Variants in ATP13A4 observed in about 807,000 individuals in gnomAD.
The protein encoded by ATP13A4 is ATPase 13A4.
Under a neutral mutation model 142.5 loss-of-function variants are expected in ATP13A4, and 114 were observed. The ratio of observed to expected loss-of-function variants is 0.80; its 90% CI spans 0.69 to 0.93. ATP13A4 has a LOEUF of 0.93. Ranked by LOEUF, ATP13A4 falls within the 40% of genes least tolerant of loss-of-function variation. The pLI, the probability that ATP13A4 is intolerant of heterozygous loss-of-function variation, is 0.00. For synonymous variants in ATP13A4, 488 were observed against 514.8 expected (o/e 0.95, Z 0.70); for missense variants, 1,392 against 1,454.0 (o/e 0.96, Z 0.69).
chr3:193,465,350 G>A (rs1417952502), intron 11 of ATP13A4, among the ~76,000 whole-genome samples: 1 of 152,110 alleles, frequency 6.6e-6, no homozygotes, highest in Non-Finnish European at 1.5e-5. Context: ...ACCACACCTG[G>A]CTAATTTTTG....
At chr3:193,435,856 G>T in intron 23 of ATP13A4, 112 bp from the exon 24 acceptor site, 1 of 923,340 alleles carries the variant, frequency 1.1e-6, no homozygotes, top group Non-Finnish European at 1.7e-6. Flanking sequence ...GTCATTATAC[G>T]ACTGTCTGTC....
At chr3:193,573,292 C>CGTATATATATATATATTCTTAT (rs1553862256) in intron 2 of ATP13A4, among the ~76,000 whole-genome samples, 4 of 107,860 alleles carry the variant, frequency 3.7e-5, no homozygotes, top group African/African-American at 1.4e-4. Context: ...TATATATACA[C>CGTATATATATATATATTCTTAT]ATATATATAT....
chr3:193,476,370 C>T (rs1440197165), intron 8 of ATP13A4, among the ~76,000 whole-genome samples: 1 of 151,996 alleles, frequency 6.6e-6, no homozygotes, highest in Non-Finnish European at 1.5e-5. Context: ...TCTCAGCCTT[C>T]GTAGAATTAA....
intron 3 of ATP13A4, among the ~76,000 whole-genome samples, chr3:193,493,875 A>G (rs572286272): frequency 2.0e-5 from 3 of 152,240 alleles, no homozygotes; most frequent in South Asian, 2.1e-4. Flanking sequence ...AAAAGAGCCA[A>G]CTATATGCTA....
In ATP13A4 at chr3:193,526,776, T is replaced by C. The variant is rs554202932; in HGVS notation, c.61-11905A>G. 3.9e-5 allele frequency among the ~76,000 whole-genome samples: 6 copies of C among 152,128 alleles called. No homozygotes were observed. In the South Asian group the frequency reaches 1.2e-3, roughly 32 times the overall value. ...TTAAAAAGTCATATGAGAGATTATC[T>C]CTGGGTGGGGAGAGAGCAGCAGAGA... On this transcript the variant is annotated intron_variant, in intron 1 of 29. Coordinates refer to ENST00000342695, the MANE Select transcript of ATP13A4 (RefSeq NM_032279.4).
intron 1 of ATP13A4, among the ~76,000 whole-genome samples, chr3:193,523,268 T>C (rs535658491): frequency 6.6e-6 from 1 of 151,670 alleles, no homozygotes; most frequent in Admixed American, 6.6e-5. Context: ...TGTGCCATTG[T>C]ACTCCAGGCT....
At chr3:193,415,133 C>G (rs181286445) in intron 25 of ATP13A4, among the ~76,000 whole-genome samples, 32 of 152,252 alleles carry the variant, frequency 2.1e-4, no homozygotes, top group African/African-American at 7.7e-4. Flanking sequence ...AGTTATTCTA[C>G]TTTTGGAAAT....
chr3:193,506,570 T>G (rs138921345), intron 2 of ATP13A4, among the ~76,000 whole-genome samples: 8 of 152,192 alleles, frequency 5.3e-5, no homozygotes, highest in Non-Finnish European at 7.3e-5. Context: ...TAGACTTGAA[T>G]GAAGCAAGCT....
chr3:193,510,136 G>A (rs1044611601), intron 2 of ATP13A4, among the ~76,000 whole-genome samples: 2 of 152,144 alleles, frequency 1.3e-5, no homozygotes, highest in African/African-American at 2.4e-5. Flanking sequence ...TTGCAGAGGA[G>A]GAGCGGGGAG....
intron 25 of ATP13A4, among the ~76,000 whole-genome samples, chr3:193,422,632 A>G (rs1359336213): frequency 2.7e-5 from 4 of 149,812 alleles, no homozygotes; most frequent in African/African-American, 9.8e-5. Flanking sequence ...TGAACAACCA[A>G]TGAGTCAATG....
At chr3:193,413,325 T>G (rs1024154626) in intron 26 of ATP13A4, among the ~76,000 whole-genome samples, 1 of 152,206 alleles carries the variant, frequency 6.6e-6, no homozygotes, top group African/African-American at 2.4e-5. Flanking sequence ...GTACGTCACC[T>G]CAGGACCACT....
rs560693695 is a variant in ATP13A4 at position 193,514,024 on chromosome 3, C to G, written c.234+674G>C. ...GCTCTAGCATTCACGAAACTCACAACTTTAAAAGAAATATCTTGTGAAATC... is the reference window on the plus strand; with the variant it reads ...GCTCTAGCATTCACGAAACTCACAAGTTTAAAAGAAATATCTTGTGAAATC... On this transcript the variant is annotated intron_variant, in intron 2 of 29. Coordinates refer to ENST00000342695, the MANE Select transcript of ATP13A4 (RefSeq NM_032279.4). Among the ~76,000 whole-genome samples the G allele has an allele frequency of 2.1e-4, 32 of 152,356 alleles. No individual in the cohort carries two copies. The South Asian group carries it at 6.6e-3, about 32-fold the overall frequency.
At chr3:193,459,688 G>C (rs62285742) in intron 13 of ATP13A4, among the ~76,000 whole-genome samples, 15,217 of 152,080 alleles carry the variant, frequency 0.1, 968 homozygotes, top group South Asian at 0.3. Context: ...ACCCACCTGC[G>C]TCGGCCTCCC....
intron 29 of ATP13A4, chr3:193,403,880 A>G (rs1714365901): frequency 1.0e-6 from 1 of 985,422 alleles, no homozygotes; most frequent in African/African-American, 1.7e-5. Flanking sequence ...TGCTAATTTG[A>G]AAGAGTTAAT....
intron 2 of ATP13A4, among the ~76,000 whole-genome samples, chr3:193,512,516 G>A (rs919846768): frequency 8.5e-5 from 13 of 152,116 alleles, no homozygotes. Context: ...CTCACAAATG[G>A]AAGTGAAAAC....
At chr3:193,454,325 A>T in intron 16 of ATP13A4, 113 bp from the exon 17 acceptor site, 1 of 767,472 alleles carries the variant, frequency 1.3e-6, no homozygotes, top group South Asian at 1.5e-5. Flanking sequence ...TTCTACAAAG[A>T]TATGTAAACA....
At chr3:193,585,347 G>T (rs1472847456) in intron 1 of ATP13A4, among the ~76,000 whole-genome samples, 2 of 152,084 alleles carry the variant, frequency 1.3e-5, no homozygotes, top group African/African-American at 4.8e-5. Flanking sequence ...TTGAACCCAG[G>T]GGGCAGAGGC....
intron 18 of ATP13A4, among the ~76,000 whole-genome samples, chr3:193,444,363 T>C (rs1005106107): frequency 3.3e-5 from 5 of 152,156 alleles, no homozygotes; most frequent in Non-Finnish European, 5.9e-5. Context: ...AAAGGAGAAA[T>C]AAAGACTTTA....
chr3:193,469,512 G>C lies in ATP13A4; in HGVS notation c.943+1347C>G, dbSNP rs578064215. ...ATGGTGGTGCACACCTGTAATTCCA[G>C]CTACTTGATGGAGGCCTAGATGAGA... On this transcript the variant is annotated intron_variant, in intron 9 of 29. Coordinates refer to ENST00000342695, the MANE Select transcript of ATP13A4 (RefSeq NM_032279.4). 2.0e-5 allele frequency among the ~76,000 whole-genome samples: 3 copies of C among 152,182 alleles called. No homozygotes were observed. In the South Asian group the frequency reaches 6.2e-4, roughly 32 times the overall value.
Sources: gnomAD v4.1 joint callset for allele counts (sites outside exome capture counted in the v4.1 genomes callset) on GRCh38, gnomAD v4.1.1 for gene constraint, MANE v1.5 for transcripts, NCBI Gene and HGNC (gene_info 2026-07-23, HGNC 2026-07-21) for gene names.